NRXN3: variants seen among roughly 807,000 people sequenced by gnomAD.
NRXN3 encodes the protein neurexin 3, also known as neurexin III.
NRXN3 carries 32 observed loss-of-function variants against 137.6 expected under a neutral mutation model. The ratio of observed to expected loss-of-function variants is 0.23; its 90% confidence interval spans 0.18 to 0.31. NRXN3 has a LOEUF of 0.31. Ranked by LOEUF, NRXN3 falls within the 10% of genes least tolerant of loss-of-function variation. The pLI, the probability that NRXN3 is intolerant of heterozygous loss-of-function variation, is 1.00. For synonymous variants in NRXN3, 798 were observed against 784.5 expected, an observed-to-expected ratio of 1.02 and a Z score of -0.29; for missense variants, 1,574 against 2,062.5, an observed-to-expected ratio of 0.76 and a Z score of 4.59.
At chr14:78,576,404 G>GAT (rs963880151) in intron 4 of NRXN3, among the ~76,000 whole-genome samples, 4 of 151,980 alleles carry the variant, frequency 2.6e-5, no homozygotes, top group East Asian at 1.9e-4. Context: ...AAAAGAGAGA[G>GAT]ATATATATAG....
intron 16 of NRXN3, among the ~76,000 whole-genome samples, chr14:79,610,137 A>C (rs2098081257): frequency 6.6e-6 from 1 of 152,194 alleles, no homozygotes; most frequent in East Asian, 1.9e-4. Context: ...CACATATAGT[A>C]TAATAATGAT....
At chr14:79,001,130 G>A (rs553647530) in intron 15 of NRXN3, among the ~76,000 whole-genome samples, 5 of 152,140 alleles carry the variant, frequency 3.3e-5, no homozygotes, top group East Asian at 1.9e-4. Flanking sequence ...TTTTGGTGGC[G>A]GATTCTGCCG....
chr14:78,633,093 A>C (rs1445328023), intron 4 of NRXN3, among the ~76,000 whole-genome samples: 1 of 143,092 alleles, frequency 7.0e-6, no homozygotes, highest in Non-Finnish European at 1.6e-5. Flanking sequence ...AAAATAAAAA[A>C]TTAAAAAAAA....
intron 4 of NRXN3, among the ~76,000 whole-genome samples, chr14:78,484,286 C>T (rs929021001): frequency 1.8e-4 from 27 of 152,026 alleles, no homozygotes; most frequent in Non-Finnish European, 1.0e-4. Context: ...CTAGTGGGGA[C>T]GCTTAGGTGT....
chr14:78,394,245 G>A (rs572468461), intron 4 of NRXN3, among the ~76,000 whole-genome samples: 47 of 152,020 alleles, frequency 3.1e-4, no homozygotes, highest in African/African-American at 1.1e-3. Flanking sequence ...TCTTTATTAA[G>A]ATGAAGAAGT....
intron 4 of NRXN3, among the ~76,000 whole-genome samples, chr14:78,602,267 C>CT (rs370669288): frequency 0.09 from 10,362 of 115,188 alleles, 622 homozygotes; most frequent in African/African-American, 0.12. Flanking sequence ...TCACATTAGC[C>CT]TTTTTTTTTT....
chr14:79,029,108 G>A (rs2099603240), intron 15 of NRXN3, among the ~76,000 whole-genome samples: 1 of 151,912 alleles, frequency 6.6e-6, no homozygotes, highest in Non-Finnish European at 1.5e-5. Context: ...ATGAAAAGAA[G>A]GGGGTTGGGA....
At chr14:79,348,078 A>G (rs1463800841) in intron 15 of NRXN3, among the ~76,000 whole-genome samples, 1 of 152,172 alleles carries the variant, frequency 6.6e-6, no homozygotes, top group Non-Finnish European at 1.5e-5. Context: ...AAATGCCAGC[A>G]TCCTGCCAAG....
chr14:79,493,959 C>T (rs2096741820), intron 16 of NRXN3, among the ~76,000 whole-genome samples: 1 of 152,196 alleles, frequency 6.6e-6, no homozygotes, highest in South Asian at 2.1e-4. Context: ...CTCTGTCAGA[C>T]TTTAAGTTCC....
chr14:78,402,529 T>A (rs2092165305), intron 4 of NRXN3, among the ~76,000 whole-genome samples: 3 of 152,212 alleles, frequency 2.0e-5, no homozygotes, highest in African/African-American at 4.8e-5. Flanking sequence ...TAACAAGCCA[T>A]TGTATATAGC....
intron 19 of NRXN3, among the ~76,000 whole-genome samples, chr14:79,796,528 G>GA (rs879920530): frequency 2.0e-5 from 3 of 150,616 alleles, no homozygotes; most frequent in East Asian, 1.9e-4. Flanking sequence ...AAAGTGGGGG[G>GA]AAAAAAAAAT....
intron 15 of NRXN3, among the ~76,000 whole-genome samples, chr14:79,271,208 T>C (rs1305001914): frequency 1.3e-5 from 2 of 152,200 alleles, no homozygotes; most frequent in African/African-American, 4.8e-5. Flanking sequence ...ATCTGAAAAG[T>C]AACTACATGG....
chr14:79,113,448 T>C (rs1212927515), intron 15 of NRXN3, among the ~76,000 whole-genome samples: 1 of 152,214 alleles, frequency 6.6e-6, no homozygotes, highest in East Asian at 1.9e-4. Flanking sequence ...CTTTAGTCTC[T>C]TAATCGGCCT....
chr14:78,904,293 G>A (rs1443216197), intron 10 of NRXN3, among the ~76,000 whole-genome samples: 1 of 151,976 alleles, frequency 6.6e-6, no homozygotes, highest in South Asian at 2.1e-4. Flanking sequence ...GGCATCTAGT[G>A]GTAGAGTCCA....
At chr14:79,664,166 T>A (rs575653825) in intron 17 of NRXN3, among the ~76,000 whole-genome samples, 5 of 152,296 alleles carry the variant, frequency 3.3e-5, no homozygotes, top group Non-Finnish European at 1.5e-5. Flanking sequence ...ACACTTTTTG[T>A]CAACCTTTGA....
chr14:79,614,223 A>T (rs2098132638), intron 16 of NRXN3, among the ~76,000 whole-genome samples: 1 of 152,222 alleles, frequency 6.6e-6, no homozygotes, highest in Admixed American at 6.5e-5. Flanking sequence ...AAGTGTTTGA[A>T]GTAAGAATTT....
At chr14:79,059,227 G>C (rs1568145297) in intron 15 of NRXN3, among the ~76,000 whole-genome samples, 1 of 145,908 alleles carries the variant, frequency 6.9e-6, no homozygotes. Context: ...TCTATCATAA[G>C]AAGGCTGCCT....
chr14:79,076,550 C>T (rs1331041393), intron 15 of NRXN3, among the ~76,000 whole-genome samples: 3 of 152,170 alleles, frequency 2.0e-5, no homozygotes, highest in African/African-American at 4.8e-5. Flanking sequence ...TACAGGACAG[C>T]TTACAACTTA....
intron 15 of NRXN3, among the ~76,000 whole-genome samples, chr14:79,198,362 A>C (rs1456890631): frequency 6.6e-6 from 1 of 152,262 alleles, no homozygotes; most frequent in Non-Finnish European, 1.5e-5. Context: ...AACAAGTGTC[A>C]GAGCATACAG....
Sources: allele counts gnomAD v4.1 joint callset (sites outside exome capture counted in the v4.1 genomes callset), GRCh38; gene constraint gnomAD v4.1.1; transcripts MANE v1.5; gene names NCBI Gene and HGNC (gene_info 2026-07-23, HGNC 2026-07-21).